WWOX: variants seen among roughly 807,000 people sequenced by gnomAD.
WWOX encodes the protein WW domain containing oxidoreductase, also known as WW domain-containing oxidoreductase.
A neutral mutation model predicts 46.2 loss-of-function variants in WWOX; 69 were observed. The ratio of observed to expected loss-of-function variants is 1.49; its 90% confidence interval spans 1.23 to 1.82. WWOX has a LOEUF of 1.82. WWOX is among the 40% of genes most tolerant of loss of function. The pLI is 0.00. For synonymous variants in WWOX, 359 were observed against 202.6 expected, an observed-to-expected ratio of 1.77 and a Z score of -6.56; for missense variants, 919 against 542.6, an observed-to-expected ratio of 1.69 and a Z score of -6.89.
Position 78,343,174 on chromosome 16 carries a change from C to G in WWOX, c.517-43686C>G, listed in dbSNP as rs1000769772. Among the ~76,000 whole-genome samples the G allele has an allele frequency of 3.3e-5, 4 of 119,998 alleles. 1 individual carries two copies. The highest frequency in any genetic ancestry group is 5.7e-5 in the African/African-American group (2 of 35,362). 78.7% of individuals were successfully genotyped at this position (119,998 alleles called of 152,430 possible). A position where few individuals can be genotyped will look rare whatever the true frequency, so the allele number is the denominator to read the frequency against. On this transcript the variant is annotated intron_variant, in intron 5 of 8. Transcript: ENST00000566780. ...TACAATGACACCATGACTCTGCTTTCTGGGTGTCCTCTGTGGGCTCTCAGC... is the reference window on the plus strand; with the variant it reads ...TACAATGACACCATGACTCTGCTTTGTGGGTGTCCTCTGTGGGCTCTCAGC...
rs998759059 is a variant in WWOX, at chr16:78,863,958, C to T, written c.1057-347650C>T. On this transcript the variant is annotated intron_variant, in intron 8 of 8. Transcript: ENST00000566780. The stretch of plus-strand genomic sequence containing the variant: ...CTCTTTGTGTGGCTGAATATCATTG[C>T]ATTGTATGGATATACCAAATATTTT... 2.6e-5 allele frequency among the ~76,000 whole-genome samples: 4 copies of T among 152,170 alleles called. No homozygotes were observed. In the South Asian group the frequency reaches 6.2e-4, roughly 24 times the overall value.
intron 5 of WWOX, among the ~76,000 whole-genome samples, chr16:78,336,014 C>G (rs1162981942): frequency 1.3e-5 from 2 of 151,484 alleles, no homozygotes; most frequent in East Asian, 3.9e-4. Flanking sequence ...ATCGCTTGAA[C>G]CTGGGAGGCA....
chr16:78,200,970 G>T lies in WWOX; in HGVS notation c.516+36681G>T, dbSNP rs931077119. Among the ~76,000 whole-genome samples, 9 of 152,154 alleles carry T rather than the reference G, an allele frequency of 5.9e-5. No homozygotes were observed. In the South Asian group the frequency reaches 1.9e-3, roughly 32 times the overall value. ...GATTGAAAGGTAAACATTTACTTCT[G>T]CCTTTTAAATAGACATAGCAAGTCT... On this transcript the variant is annotated intron_variant, in intron 5 of 8. Transcript: ENST00000566780.
intron 8 of WWOX, among the ~76,000 whole-genome samples, chr16:78,753,573 G>T (rs1231288870): frequency 6.6e-6 from 1 of 151,832 alleles, no homozygotes; most frequent in Non-Finnish European, 1.5e-5. Context: ...GCCAAGGCAG[G>T]TAGTTTGCTT....
intron 8 of WWOX, among the ~76,000 whole-genome samples, chr16:78,999,717 A>C (rs147499384): frequency 3.1e-4 from 47 of 152,306 alleles, no homozygotes; most frequent in Middle Eastern, 3.4e-3. Flanking sequence ...GTTCTTGTGA[A>C]AGTGGGAGGG....
chr16:79,144,848 A>G (rs1335152605), intron 8 of WWOX, among the ~76,000 whole-genome samples: 2 of 152,178 alleles, frequency 1.3e-5, no homozygotes, highest in Non-Finnish European at 2.9e-5. Flanking sequence ...ATTACAATTT[A>G]TTGTTATAAT....
At chr16:78,712,207 A>C (rs1434526217) in intron 8 of WWOX, among the ~76,000 whole-genome samples, 1 of 152,084 alleles carries the variant, frequency 6.6e-6, no homozygotes, top group Non-Finnish European at 1.5e-5. Context: ...CTGTAGACAA[A>C]ATGCTATATG....
intron 8 of WWOX, among the ~76,000 whole-genome samples, chr16:78,736,735 C>G (rs6564583): frequency 0.31 from 47,407 of 151,958 alleles, 11,901 homozygotes; most frequent in African/African-American, 0.7. Context: ...GTAGGGAGGG[C>G]ACTACAGGCG....
chr16:78,711,472 A>G (rs2048443635), intron 8 of WWOX, among the ~76,000 whole-genome samples: 1 of 152,220 alleles, frequency 6.6e-6, no homozygotes, highest in Admixed American at 6.5e-5. Context: ...TTGTGAATGT[A>G]TCAACTAAGA....
At chr16:78,847,492 GTTTC>G (rs1391143677) in intron 8 of WWOX, among the ~76,000 whole-genome samples, 1 of 151,888 alleles carries the variant, frequency 6.6e-6, no homozygotes, top group Non-Finnish European at 1.5e-5. Flanking sequence ...TTTCAAACTT[GTTTC>G]TTTGTTTTTT....
intron 8 of WWOX, among the ~76,000 whole-genome samples, chr16:78,928,278 C>T (rs1375446635): frequency 6.6e-6 from 1 of 150,424 alleles, no homozygotes; most frequent in African/African-American, 2.5e-5. Context: ...TCTCGGCTCA[C>T]TGCAAGCTCC....
intron 8 of WWOX, among the ~76,000 whole-genome samples, chr16:78,567,761 A>G (rs150072558): frequency 0.017 from 2,623 of 151,952 alleles, 31 homozygotes; most frequent in Non-Finnish European, 0.026. Flanking sequence ...GAAAAGGACA[A>G]AGTTTTTCTC....
chr16:79,161,972 T>G (rs1422305424), intron 8 of WWOX, among the ~76,000 whole-genome samples: 2 of 152,176 alleles, frequency 1.3e-5, no homozygotes, highest in African/African-American at 4.8e-5. Context: ...CTACACAGAG[T>G]GTCTCAGTAA....
chr16:79,127,732 C>T (rs1597398319), intron 8 of WWOX, among the ~76,000 whole-genome samples: 1 of 152,124 alleles, frequency 6.6e-6, no homozygotes, highest in Non-Finnish European at 1.5e-5. Context: ...TCCCACTAAG[C>T]AACATACGAC....
At chr16:78,282,550 T>G (rs1453487198) in intron 5 of WWOX, among the ~76,000 whole-genome samples, 5 of 152,106 alleles carry the variant, frequency 3.3e-5, no homozygotes. Flanking sequence ...GTCAGGATGC[T>G]TTCAGAAAGG....
intron 5 of WWOX, among the ~76,000 whole-genome samples, chr16:78,273,325 G>GC (rs1404909131): frequency 6.6e-6 from 1 of 151,094 alleles, no homozygotes; most frequent in Non-Finnish European, 1.5e-5. Flanking sequence ...GTTTCCCCAA[G>GC]CTGATCAGTG....
chr16:78,880,992 C>CTTTTTTTTTTTT (rs71140838), intron 8 of WWOX, among the ~76,000 whole-genome samples: 1 of 113,530 alleles, frequency 8.8e-6, no homozygotes, highest in Non-Finnish European at 1.7e-5. Flanking sequence ...AATTTTTTTT[C>CTTTTTTTTTTTT]TTTTTTTTTT....
intron 8 of WWOX, among the ~76,000 whole-genome samples, chr16:78,708,834 C>T (rs1250023672): frequency 6.6e-6 from 1 of 152,182 alleles, no homozygotes; most frequent in Admixed American, 6.5e-5. Context: ...AATTATTTTT[C>T]ACAGCGCCCA....
chr16:78,613,258 G>A lies in WWOX; in HGVS notation c.1056+180506G>A, dbSNP rs186735911. 1.9e-4 allele frequency among the ~76,000 whole-genome samples: 29 copies of A among 152,086 alleles called. 1 individual carries two copies. Among genetic ancestry groups the A allele is most frequent in the African/African-American group, 9.6e-5 (4 of 41,506 alleles). On this transcript the variant is annotated intron_variant, in intron 8 of 8. Coordinates refer to ENST00000566780, the MANE Select transcript of WWOX (RefSeq NM_016373.4). ...CATTCCCAACATCTCTACCTTCTCCGGGCCTAGGGCAGGGATCACTCTTTC... is the reference window on the plus strand; with the variant it reads ...CATTCCCAACATCTCTACCTTCTCCAGGCCTAGGGCAGGGATCACTCTTTC...
Sources: gnomAD v4.1 joint callset for allele counts (sites outside exome capture counted in the v4.1 genomes callset) on GRCh38, gnomAD v4.1.1 for gene constraint, MANE v1.5 for transcripts, NCBI Gene and HGNC (gene_info 2026-07-23, HGNC 2026-07-21) for gene names.